TGS1: variants seen among roughly 807,000 people sequenced by gnomAD.
TGS1 encodes the protein trimethylguanosine synthase.
In TGS1, 69 loss-of-function variants were observed where a neutral mutation model predicts 92.2. The observed-to-expected ratio is 0.75, with a 90% confidence interval of 0.62 to 0.91. TGS1 has a LOEUF of 0.91. TGS1 is among the 40% of genes least tolerant of loss of function. The probability of loss-of-function intolerance (pLI) is 0.00; values close to 1 mark genes in which losing one functional copy is unlikely to be tolerated. For missense variants in TGS1, 1,062 were observed against 1,001.2 expected, an observed-to-expected ratio of 1.06 and a Z score of -0.82; for synonymous variants, 345 against 338.1, an observed-to-expected ratio of 1.02 and a Z score of -0.22.
intron 7 of TGS1, 88 bp downstream of exon 7, chr8:55,796,240 T>C (rs2130168956): frequency 9.7e-7 from 1 of 1,028,230 alleles, no homozygotes; most frequent in South Asian, 1.6e-5. Context: ...AATAGGAAGC[T>C]TGTTTCTACC....
intron 1 of TGS1, among the ~76,000 whole-genome samples, chr8:55,775,545 G>A (rs1302377188): frequency 6.6e-6 from 1 of 152,160 alleles, no homozygotes; most frequent in Non-Finnish European, 1.5e-5. Flanking sequence ...ACTTGCTGGG[G>A]GTGGGGACTG....
chr8:55,786,653 T>A lies in TGS1; in HGVS notation c.755T>A (p.Phe252Tyr). 1 of 1,614,154 alleles carries A rather than the reference T, an allele frequency of 6.2e-7. No homozygotes were observed. The highest frequency in any genetic ancestry group is 8.5e-7 in the Non-Finnish European group (1 of 1,180,022). Reference sequence around the variant, plus strand: ...CTTTATTGGTATTATTTGGAACAATTTCAGTATTGGGAAGCTCAGGGTTGG... The same window carrying A: ...CTTTATTGGTATTATTTGGAACAATATCAGTATTGGGAAGCTCAGGGTTGG... Reference protein sequence around the residue: ...SQLYWYYLEQFQYWEAQGWTF... With the variant: ...SQLYWYYLEQYQYWEAQGWTF... Residue 252 changes from phenylalanine (F) to tyrosine (Y), a missense_variant, in exon 4 of 13, where the codon TTT (phenylalanine) becomes TAT (tyrosine). Physicochemically the swap from Phe to Tyr is conservative, Grantham distance 22. Transcript: ENST00000260129.
chr8:55,821,730 G>A lies in TGS1; in HGVS notation c.2440-2851G>A, dbSNP rs949889348. Among the ~76,000 whole-genome samples, 7 of 151,918 alleles carry A rather than the reference G, an allele frequency of 4.6e-5. No individual in the cohort carries two copies. In the East Asian group the frequency reaches 5.9e-4, roughly 13 times the overall value. On this transcript the variant is annotated intron_variant, in intron 12 of 12. Transcript: ENST00000260129. ...CTACTAAAAATACAAAAAATTAGCC[G>A]GGTGTGGTGGCGGGCGCCTGTAGTC...
chr8:55,782,981 A>G (rs1811609265), intron 2 of TGS1, among the ~76,000 whole-genome samples, 169 bp downstream of exon 2: 1 of 152,224 alleles, frequency 6.6e-6, no homozygotes, highest in Admixed American at 6.5e-5. Flanking sequence ...TGGTTCTGGA[A>G]TCTCTATGAA....
Position 55,814,650 on chromosome 8 carries a change from G to A in TGS1, c.2439+1532G>A, listed in dbSNP as rs547985455. ...AGCCTGGCCAACATGGCAAAACCCC[G>A]TCTCTACTTAAAAAAAAAAAAAAAA... is the stretch of plus-strand genomic sequence containing the variant. On this transcript the variant is annotated intron_variant, in intron 12 of 12. Transcript: ENST00000260129. Among the ~76,000 whole-genome samples the A allele has an allele frequency of 2.6e-3, 334 of 127,552 alleles. 2 individuals are homozygous for A. Among genetic ancestry groups the A allele is most frequent in the African/African-American group, 0.01 (317 of 31,616 alleles). 83.7% of individuals were successfully genotyped at this position (127,552 alleles called of 152,430 possible).
chr8:55,783,921 A>C (rs546022445), intron 2 of TGS1, among the ~76,000 whole-genome samples: 2 of 152,252 alleles, frequency 1.3e-5, no homozygotes, highest in Non-Finnish European at 2.9e-5. Flanking sequence ...CATAAAACTT[A>C]GCTTACTCAT....
chr8:55,785,949 C>T (rs1811697582), intron 3 of TGS1, 58 bp downstream of exon 3: 33 of 1,394,080 alleles, frequency 2.4e-5, no homozygotes, highest in Non-Finnish European at 3.1e-5. Context: ...TAAAATATCG[C>T]AAGGAATTAC....
At chr8:55,792,931 T>C (rs1811926014) in intron 6 of TGS1, 147 bp downstream of exon 6, 1 of 604,756 alleles carries the variant, frequency 1.7e-6, no homozygotes, top group East Asian at 2.8e-5. Flanking sequence ...GGTAGAGATA[T>C]CCCTGTACAT....
In TGS1 at chr8:55,795,974, A is replaced by C; in HGVS notation, c.1368-4A>C. ...TGTGAATAACTTCTTTTGATCTGTC[A>C]CAGATATGGTGGAATCCCAAATTTC... On this transcript the variant is annotated splice_polypyrimidine_tract_variant and splice_region_variant and intron_variant, in intron 6 of 12. Coordinates refer to ENST00000260129, the MANE Select transcript of TGS1 (RefSeq NM_024831.8). The C allele has an allele frequency of 6.2e-7, 1 of 1,608,950 alleles. No homozygotes were observed. Among genetic ancestry groups the C allele is most frequent in the Non-Finnish European group, 8.5e-7 (1 of 1,176,536 alleles).
In TGS1 at chr8:55,813,109, T is replaced by C. The variant is rs747206668; in HGVS notation, c.2430T>C (p.Asp810=). The C allele has an allele frequency of 1.2e-6, 2 of 1,608,168 alleles. No individual in the cohort carries two copies. The highest frequency in any genetic ancestry group is 1.7e-6 in the Non-Finnish European group (2 of 1,175,616). Residue 810 remains aspartate, a synonymous_variant, in exon 12 of 13, where the codon GAT becomes GAC. Coordinates refer to ENST00000260129, the MANE Select transcript of TGS1 (RefSeq NM_024831.8). The part of the protein sequence containing the change: ...NIVYFLPRNA[D]IDQVASLAGP... The stretch of plus-strand genomic sequence containing the variant: ...TTTATTTTCTTCCAAGAAATGCTGA[T>C]ATTGACCAGGTAAGCCATTACTGAA...
Position 55,804,937 on chromosome 8 carries a change from G to A in TGS1, c.2044G>A (p.Ala682Thr), listed in dbSNP as rs1225562260. 3.1e-6 allele frequency: 5 copies of A among 1,613,916 alleles called. No homozygotes were observed. The highest frequency in any genetic ancestry group is 4.2e-6 in the Non-Finnish European group (5 of 1,179,948). ...ACCCGAGAAGATTGCTGAACACATT[G>A]CTGGCCGTGTTAGTCAGTCCTTCAA... The part of the protein sequence containing the change: ...VTPEKIAEHI[A>T]GRVSQSFKCD... Residue 682 changes from alanine (A) to threonine (T), a missense_variant, in exon 10 of 13, where the codon GCT becomes ACT. Physicochemically the swap from Ala to Thr is moderately conservative, Grantham distance 58. Transcript: ENST00000260129.
At chr8:55,813,207 T>A (rs1316062893) in intron 12 of TGS1, 89 bp downstream of exon 12, 7 of 948,128 alleles carry the variant, frequency 7.4e-6, no homozygotes, top group Non-Finnish European at 1.1e-5. Context: ...TACCAGAGAA[T>A]GTGTTTATGA....
Position 55,776,621 on chromosome 8 carries a change from A to T in TGS1, c.101+2902A>T, listed in dbSNP as rs183503603. Among the ~76,000 whole-genome samples the T allele has an allele frequency of 2.6e-5, 4 of 152,190 alleles. 1 individual carries two copies. The highest frequency in any genetic ancestry group is 2.6e-4 in the Admixed American group (4 of 15,288). ...AAATAACCGATTAGGTCAGGGGTGG[A>T]TCAGTAACTACCAGGCCCAGGGTGT... On this transcript the variant is annotated intron_variant, in intron 1 of 12. Coordinates refer to ENST00000260129, the MANE Select transcript of TGS1 (RefSeq NM_024831.8).
intron 6 of TGS1, among the ~76,000 whole-genome samples, chr8:55,793,721 C>T (rs1260259834): frequency 6.6e-6 from 1 of 151,606 alleles, no homozygotes; most frequent in Non-Finnish European, 1.5e-5. Context: ...GCATGCACCA[C>T]CATGCCCTGC....
chr8:55,812,495 CAAAA>C (rs59611291), intron 11 of TGS1, among the ~76,000 whole-genome samples: 1 of 98,354 alleles, frequency 1.0e-5, no homozygotes, highest in Non-Finnish European at 2.0e-5. Context: ...GACTCTGTCT[CAAAA>C]AAAAAAAAAA....
At chr8:55,789,187 A>G (rs1345549573) in intron 4 of TGS1, among the ~76,000 whole-genome samples, 1 of 152,184 alleles carries the variant, frequency 6.6e-6, no homozygotes, top group Non-Finnish European at 1.5e-5. Context: ...AAAGCTTCCC[A>G]CTGTCTACCC....
chr8:55,795,960 T>C lies in TGS1; in HGVS notation c.1368-18T>C. On this transcript the variant is annotated intron_variant, in intron 6 of 12. Coordinates refer to ENST00000260129, the MANE Select transcript of TGS1 (RefSeq NM_024831.8). Reference sequence around the variant, plus strand: ...CCTAGAATTTAAGTTGTGAATAACTTCTTTTGATCTGTCACAGATATGGTG... The same window carrying C: ...CCTAGAATTTAAGTTGTGAATAACTCCTTTTGATCTGTCACAGATATGGTG... The C allele has an allele frequency of 1.3e-6, 2 of 1,585,494 alleles. No individual in the cohort carries two copies. Among genetic ancestry groups the C allele is most frequent in the Non-Finnish European group, 1.7e-6 (2 of 1,167,432 alleles).
chr8:55,800,683 G>C (rs1347604899), intron 8 of TGS1, among the ~76,000 whole-genome samples: 1 of 152,162 alleles, frequency 6.6e-6, no homozygotes, highest in Non-Finnish European at 1.5e-5. Context: ...CACCCACAAT[G>C]TCATTATACC....
In TGS1 at chr8:55,810,951, A is replaced by G; in HGVS notation, c.2214A>G (p.Ala738=). 5.0e-6 allele frequency: 8 copies of G among 1,614,196 alleles called. No homozygotes were observed. The highest frequency in any genetic ancestry group is 6.8e-6 in the Non-Finnish European group (8 of 1,180,034). The change falls in exon 11 of 13, where the codon GCA becomes GCG. Residue 738 remains alanine (A), a synonymous_variant. Transcript: ENST00000260129. ...ATAATGCAGAAGTTTATGGGATAGCAGATAAGATAGAGTTCATCTGTGGAG... is the reference window on the plus strand; with the variant it reads ...ATAATGCAGAAGTTTATGGGATAGCGGATAAGATAGAGTTCATCTGTGGAG... The part of the protein sequence containing the change: ...ARNNAEVYGI[A]DKIEFICGDF...
Sources: allele counts gnomAD v4.1 joint callset (sites outside exome capture counted in the v4.1 genomes callset), GRCh38; gene constraint gnomAD v4.1.1; transcripts MANE v1.5; gene names NCBI Gene and HGNC (gene_info 2026-07-23, HGNC 2026-07-21).